The following KBTBD12 variants were observed in gnomAD, a reference collection of about 807,000 sequenced individuals.
KBTBD12 encodes the protein kelch repeat and BTB domain-containing protein 12.
Under a neutral mutation model 58.7 loss-of-function variants are expected in KBTBD12, and 53 were observed. The observed-to-expected ratio is 0.90, with a 90% CI of 0.72 to 1.14. The LOEUF is 1.14. KBTBD12 is among the 50% of genes most tolerant of loss of function. The pLI, the probability that KBTBD12 is intolerant of heterozygous loss-of-function variation, is 0.00. For missense variants in KBTBD12, 704 were observed against 751.3 expected (o/e 0.94, Z 0.74); for synonymous variants, 236 against 259.8 (o/e 0.91, Z 0.88).
intron 2 of KBTBD12, 100 bp downstream of exon 2, chr3:127,924,231 A>T: frequency 4.3e-6 from 3 of 705,340 alleles, no homozygotes; most frequent in Non-Finnish European, 7.1e-6. Context: ...AATTATTTGT[A>T]GTCAAAATTA....
At chr3:127,982,699 T>C (rs549789008) in intron 5 of KBTBD12, among the ~76,000 whole-genome samples, 3 of 152,366 alleles carry the variant, frequency 2.0e-5, no homozygotes, top group Admixed American at 2.0e-4. Context: ...CTGCTAAGGA[T>C]GGCTGTGTCC....
intron 5 of KBTBD12, among the ~76,000 whole-genome samples, chr3:127,974,031 A>C (rs916586069): frequency 2.0e-5 from 3 of 152,236 alleles, no homozygotes; most frequent in Non-Finnish European, 2.9e-5. Context: ...AGTATATACC[A>C]TATACCCATA....
In KBTBD12 at chr3:127,923,459, GT is replaced by G. The variant is rs754119956; in HGVS notation, c.401del (p.Leu134Ter). On this transcript the variant is annotated frameshift_variant, in exon 2 of 6. Coordinates refer to ENST00000405109, the MANE Select transcript of KBTBD12 (RefSeq NM_207335.4). LOFTEE classifies it high-confidence loss of function. ...YMMDHMDASN[C>X]LGIYYFAKQI... ...ATGGACCACATGGATGCCTCCAACT[GT>G]TTAGGTATCTATTATTTTGCAAAGC... 3 of 1,611,302 alleles carry G rather than the reference GT, an allele frequency of 1.9e-6. No homozygotes were observed. The highest frequency in any genetic ancestry group is 2.5e-6 in the Non-Finnish European group (3 of 1,179,470).
At chr3:127,933,397 G>C (rs922493888) in intron 4 of KBTBD12, among the ~76,000 whole-genome samples, 2 of 152,112 alleles carry the variant, frequency 1.3e-5, no homozygotes, top group East Asian at 3.9e-4. Context: ...TGGAAAATAG[G>C]AAAAGCCTAC....
At chr3:127,977,291 A>G (rs1940799833) in intron 5 of KBTBD12, among the ~76,000 whole-genome samples, 1 of 152,234 alleles carries the variant, frequency 6.6e-6, no homozygotes, top group South Asian at 2.1e-4. Context: ...TTCTGCAGTG[A>G]TAATACACAT....
chr3:127,983,479 G>C (rs1168575278), intron 5 of KBTBD12, among the ~76,000 whole-genome samples: 1 of 152,194 alleles, frequency 6.6e-6, no homozygotes, highest in Non-Finnish European at 1.5e-5. Context: ...TGGCAACCGG[G>C]CGTGGTGGCT....
Position 127,923,870 on chromosome 3 carries a change from G to A in KBTBD12, c.809G>A (p.Gly270Asp), listed in dbSNP as rs1424049082. 1.2e-6 allele frequency: 2 copies of A among 1,613,882 alleles called. No homozygotes were observed. The highest frequency in any genetic ancestry group is 1.7e-6 in the Non-Finnish European group (2 of 1,179,830). Residue 270 changes from glycine to aspartate, a missense_variant, in exon 2 of 6, where the codon GGT (glycine) becomes GAT (aspartate). Physicochemically the swap from Gly to Asp is moderately conservative, Grantham distance 94. Transcript: ENST00000405109. ...CAGCACTCTCTAAATCTGCGCTATG[G>A]TATGGAGACTACCAGTCTTCTGCTT... Reference protein sequence around the residue: ...PQQHSLNLRYGMETTSLLLCI... With the variant: ...PQQHSLNLRYDMETTSLLLCI...
chr3:127,940,183 A>G (rs1279102041), intron 4 of KBTBD12, among the ~76,000 whole-genome samples: 1 of 152,186 alleles, frequency 6.6e-6, no homozygotes, highest in Non-Finnish European at 1.5e-5. Flanking sequence ...CTCCTCTCTC[A>G]ATAATAAATA....
intron 4 of KBTBD12, among the ~76,000 whole-genome samples, chr3:127,948,067 T>C (rs1262883991): frequency 2.6e-5 from 4 of 152,260 alleles, no homozygotes; most frequent in African/African-American, 9.6e-5. Context: ...CACATTTCTT[T>C]TTGTATATTT....
At position 127,987,431 on chromosome 3, in the gene KBTBD12, A is replaced by G. The variant is rs903168719; in HGVS notation, c.*3153A>G. On this transcript the variant is annotated 3_prime_UTR_variant, in exon 6 of 6. Coordinates refer to ENST00000405109, the MANE Select transcript of KBTBD12 (RefSeq NM_207335.4). ...TAGAAGGCTGTTGCAGTACTGCATG[A>G]TGGGCTCTTATAAAACTTCTACTAT... 1 of 152,176 alleles carries G rather than the reference A, an allele frequency of 6.6e-6. No homozygotes were observed. Among genetic ancestry groups the G allele is most frequent in the Non-Finnish European group, 1.5e-5 (1 of 68,022 alleles). 9.4% of individuals were successfully genotyped at this position (152,176 alleles called of 1,614,324 possible).
intron 1 of KBTBD12, among the ~76,000 whole-genome samples, chr3:127,918,013 G>A (rs1033830424): frequency 5.3e-5 from 8 of 151,904 alleles, no homozygotes; most frequent in African/African-American, 1.9e-4. Flanking sequence ...AGTTTGAGAC[G>A]CACCTGGGCA....
At chr3:127,963,050 G>A in intron 4 of KBTBD12, 139 bp from the exon 5 acceptor site, 1 of 681,558 alleles carries the variant, frequency 1.5e-6, no homozygotes. Context: ...CTTAGAACTT[G>A]TCTTCAAGGT....
At chr3:127,970,320 G>A (rs369698306) in intron 5 of KBTBD12, among the ~76,000 whole-genome samples, 2 of 152,148 alleles carry the variant, frequency 1.3e-5, no homozygotes, top group Non-Finnish European at 2.9e-5. Context: ...ACCACCATAC[G>A]TTGCTGGTGA....
At chr3:127,956,461 CA>C (rs11367870) in intron 4 of KBTBD12, among the ~76,000 whole-genome samples, 10,020 of 104,082 alleles carry the variant, frequency 0.096, 357 homozygotes, top group African/African-American at 0.14. Context: ...GTCTTATGGA[CA>C]AAAAAAAAAA....
intron 4 of KBTBD12, among the ~76,000 whole-genome samples, chr3:127,932,921 G>A (rs1939739419): frequency 6.6e-6 from 1 of 152,030 alleles, no homozygotes; most frequent in Admixed American, 6.6e-5. Flanking sequence ...CTATATAGTT[G>A]GCTAGATATC....
intron 1 of KBTBD12, among the ~76,000 whole-genome samples, chr3:127,915,862 C>T (rs536111528): frequency 3.9e-5 from 6 of 152,228 alleles, no homozygotes; most frequent in Non-Finnish European, 8.8e-5. Context: ...AATTACCTGA[C>T]CAATGTATTA....
At chr3:127,954,330 C>T (rs1940273434) in intron 4 of KBTBD12, among the ~76,000 whole-genome samples, 1 of 152,146 alleles carries the variant, frequency 6.6e-6, no homozygotes, top group African/African-American at 2.4e-5. Context: ...CAAATACAGA[C>T]TCCTATTAGT....
At chr3:127,962,788 C>T (rs953827673) in intron 4 of KBTBD12, among the ~76,000 whole-genome samples, 1 of 152,142 alleles carries the variant, frequency 6.6e-6, no homozygotes, top group African/African-American at 2.4e-5. Context: ...GAACACATTC[C>T]TAGCTAGCCA....
At chr3:127,921,887 A>C (rs1236673661) in intron 1 of KBTBD12, among the ~76,000 whole-genome samples, 1 of 152,152 alleles carries the variant, frequency 6.6e-6, no homozygotes, top group East Asian at 1.9e-4. Context: ...AGCTGGGTTT[A>C]AGCAGAGAAG....
Sources: allele counts gnomAD v4.1 joint callset (sites outside exome capture counted in the v4.1 genomes callset), GRCh38; gene constraint gnomAD v4.1.1; transcripts MANE v1.5; gene names NCBI Gene and HGNC (gene_info 2026-07-23, HGNC 2026-07-21).